Variants in GAS6 observed in about 807,000 individuals in gnomAD.
GAS6 encodes the protein growth arrest specific 6.
Under a neutral mutation model 75.8 loss-of-function variants are expected in GAS6, and 41 were observed. That is an observed-to-expected ratio of 0.54 (90% CI 0.42 to 0.70). The LOEUF (loss-of-function observed/expected upper bound fraction) is 0.70. Among genes scored for constraint, GAS6 ranks in the 30% least tolerant of loss-of-function variants. GAS6 has a pLI of 0.00. For synonymous variants in GAS6, 432 were observed against 412.6 expected (o/e 1.05, Z -0.57); for missense variants, 854 against 940.2 (o/e 0.91, Z 1.20).
rs957007093 is a variant in GAS6, at chr13:113,845,528, C to T, written c.343+999G>A. On this transcript the variant is annotated intron_variant, in intron 4 of 14. Transcript: ENST00000327773. The surrounding 1 kb of genome is among the most constrained non-coding windows in gnomAD (Gnocchi z 4.3). ...TGCTGAAGGTATGTTAAAATTCATA[C>T]AGGACACCCAAAACAATCAATCTTA... is the stretch of plus-strand genomic sequence containing the variant. 6.7e-6 allele frequency: 1 copy of T among 150,090 alleles called. No individual in the cohort carries two copies. Among genetic ancestry groups the T allele is most frequent in the Non-Finnish European group, 1.5e-5 (1 of 67,970 alleles). The allele number at this position is 150,090 out of a possible 1,614,324, so 9.3% of individuals were successfully genotyped here.
intron 3 of GAS6, 153 bp downstream of exon 3, chr13:113,847,873 C>T: frequency 1.4e-6 from 1 of 731,776 alleles, no homozygotes; most frequent in Non-Finnish European, 2.4e-6. Flanking sequence ...ACTTGTGTTT[C>T]TGACCTGCAT....
intron 3 of GAS6, chr13:113,847,119 G>A (rs777047559): frequency 1.3e-5 from 5 of 384,948 alleles, no homozygotes; most frequent in East Asian, 7.9e-5. Flanking sequence ...TGTGCAGAAC[G>A]GTGCGGGGCC....
chr13:113,857,644 A>G (rs2051924865), intron 2 of GAS6, among the ~76,000 whole-genome samples: 1 of 152,220 alleles, frequency 6.6e-6, no homozygotes, highest in Non-Finnish European at 1.5e-5. Flanking sequence ...TGCCCCAGCT[A>G]GCAAGCTTAA....
Position 113,845,720 on chromosome 13 carries a change from T to C in GAS6, c.343+807A>G, listed in dbSNP as rs1427224011. On this transcript the variant is annotated intron_variant, in intron 4 of 14. Transcript: ENST00000327773. This position sits in a 1 kb window ranked among gnomAD's most constrained non-coding sequence, Gnocchi z 4.3. ...AAGAAATACACAGTTTTTAAACCTATGAAGGACAGCTTTACTCATTAGTTA... is the reference window on the plus strand; with the variant it reads ...AAGAAATACACAGTTTTTAAACCTACGAAGGACAGCTTTACTCATTAGTTA... The C allele has an allele frequency of 6.8e-6, 1 of 146,912 alleles. No individual in the cohort carries two copies. Among genetic ancestry groups the C allele is most frequent in the Non-Finnish European group, 1.5e-5 (1 of 67,196 alleles). The allele number at this position is 146,912 out of a possible 1,614,324, so 9.1% of individuals were successfully genotyped here.
At position 113,863,438 on chromosome 13, in the gene GAS6, G is replaced by C. The variant is rs1167880693; in HGVS notation, c.255+137C>G. The C allele has an allele frequency of 1.3e-6, 1 of 780,316 alleles. No individual in the cohort carries two copies. The highest frequency in any genetic ancestry group is 1.8e-6 in the Non-Finnish European group (1 of 566,514). 48.3% of individuals were successfully genotyped at this position (780,316 alleles called of 1,614,324 possible). A position where few individuals can be genotyped will look rare whatever the true frequency, so the allele number is the denominator to read the frequency against. On this transcript the variant is annotated intron_variant, in intron 2 of 14. Coordinates refer to ENST00000327773, the MANE Select transcript of GAS6 (RefSeq NM_000820.4). This position sits in a 1 kb window ranked among gnomAD's most constrained non-coding sequence, Gnocchi z 9.4. ...GGGATGGGCGTGGGGGACGCGGGGC[G>C]GGCCGGGGCTCCTGGGACCCTGAGG...
At chr13:113,852,411 G>A (rs963713743) in intron 2 of GAS6, among the ~76,000 whole-genome samples, 5 of 152,188 alleles carry the variant, frequency 3.3e-5, no homozygotes, top group Admixed American at 6.5e-5. Flanking sequence ...GTTGCCCTTC[G>A]GTTTCGTAAG....
chr13:113,822,211 G>T, intron 13 of GAS6, 25 bp from the exon 14 acceptor site: 1 of 1,491,776 alleles, frequency 6.7e-7, no homozygotes, highest in Non-Finnish European at 9.0e-7. Flanking sequence ...GGTGTGGTCA[G>T]GGCCTGCCGG....
At chr13:113,826,391 G>A (rs936630124) in intron 12 of GAS6, among the ~76,000 whole-genome samples, 15 of 147,166 alleles carry the variant, frequency 1.0e-4, no homozygotes, top group Middle Eastern at 3.6e-3. Context: ...CCCCGGCCTC[G>A]CAGGCACCTT....
At chr13:113,826,165 C>A (rs1451129063) in intron 12 of GAS6, among the ~76,000 whole-genome samples, 1 of 152,216 alleles carries the variant, frequency 6.6e-6, no homozygotes, top group Non-Finnish European at 1.5e-5. Flanking sequence ...CAGCAGCTCA[C>A]ATCCACCCTG....
chr13:113,851,233 G>A (rs541052364), intron 2 of GAS6, among the ~76,000 whole-genome samples: 1 of 152,176 alleles, frequency 6.6e-6, no homozygotes, highest in East Asian at 1.9e-4. Flanking sequence ...ATGGATGGAT[G>A]AATGAATAAA....
chr13:113,853,766 T>G (rs1005954615), intron 2 of GAS6, among the ~76,000 whole-genome samples: 1 of 152,196 alleles, frequency 6.6e-6, no homozygotes, highest in Admixed American at 6.5e-5. Flanking sequence ...GAACTGCCCT[T>G]GGGGAGCCTT....
chr13:113,828,778 A>G, intron 10 of GAS6, 67 bp from the exon 11 acceptor site: 1 of 1,537,188 alleles, frequency 6.5e-7, no homozygotes, highest in Non-Finnish European at 8.9e-7. Context: ...CAACTGAGAA[A>G]AACCACACTC....
chr13:113,850,778 G>GTGGA (rs1378522896), intron 2 of GAS6, among the ~76,000 whole-genome samples: 1 of 152,086 alleles, frequency 6.6e-6, no homozygotes, highest in Non-Finnish European at 1.5e-5. Flanking sequence ...GAATGAGTGG[G>GTGGA]TGGATGGATG....
chr13:113,839,909 C>T (rs937394294), intron 4 of GAS6, 59 bp from the exon 5 acceptor site: 102 of 1,611,006 alleles, frequency 6.3e-5, no homozygotes, highest in Non-Finnish European at 7.4e-5. Flanking sequence ...GCGCGCCCAA[C>T]GCAGCTGAGA....
rs2051735234 is a variant in GAS6 at position 113,838,063 on chromosome 13, C to A, written c.589+6G>T. ...AGAGGAGAGAGGCCTCACCCCAGGG[C>A]CTTACCTTGGCAGGTCCTGCCATCA... On this transcript the variant is annotated splice_donor_region_variant and intron_variant, in intron 6 of 14. Coordinates refer to ENST00000327773, the MANE Select transcript of GAS6 (RefSeq NM_000820.4). 1 of 1,612,294 alleles carries A rather than the reference C, an allele frequency of 6.2e-7. No homozygotes were observed. The highest frequency in any genetic ancestry group is 8.5e-7 in the Non-Finnish European group (1 of 1,179,832).
intron 5 of GAS6, 160 bp downstream of exon 5, chr13:113,839,568 A>G (rs974897509): frequency 5.9e-5 from 53 of 894,876 alleles, no homozygotes; most frequent in Admixed American, 5.5e-4. Flanking sequence ...GCTCCTCCCA[A>G]TTCTCCTGGG....
rs114752650 is a variant in GAS6, at chr13:113,832,230, G to A, written c.1143+69C>T. On this transcript the variant is annotated intron_variant, in intron 10 of 14. Coordinates refer to ENST00000327773, the MANE Select transcript of GAS6 (RefSeq NM_000820.4). The stretch of plus-strand genomic sequence containing the variant: ...CTCATCTCCTAACGGTTGCATAAGC[G>A]AGTGACAGCTGAGTCTGGCTCAGGG... 1,672 of 1,511,886 alleles carry A rather than the reference G, an allele frequency of 1.1e-3. 22 individuals are homozygous for A. In the African/African-American group the frequency reaches 0.021, roughly 19 times the overall value. 93.7% of individuals were successfully genotyped at this position (1,511,886 alleles called of 1,614,324 possible).
chr13:113,852,289 G>A (rs561314101), intron 2 of GAS6, among the ~76,000 whole-genome samples: 12 of 152,342 alleles, frequency 7.9e-5, no homozygotes, highest in Admixed American at 4.6e-4. Flanking sequence ...AAGATTGGAC[G>A]TCCCCGTGCT....
chr13:113,842,628 G>C (rs1280999737), intron 4 of GAS6: 6 of 397,188 alleles, frequency 1.5e-5, no homozygotes, highest in Non-Finnish European at 2.7e-5. Context: ...CAGATGAAGA[G>C]GCTCTGGGGG....
Sources: gnomAD v4.1 joint callset for allele counts (sites outside exome capture counted in the v4.1 genomes callset) on GRCh38, gnomAD v4.1.1 for gene constraint, Gnocchi (gnomAD v3.1) non-coding constraint, MANE v1.5 for transcripts, NCBI Gene and HGNC (gene_info 2026-07-23, HGNC 2026-07-21) for gene names.